DNAJC12: variants seen among roughly 807,000 people sequenced by gnomAD.
DNAJC12 encodes the protein dnaJ homolog subfamily C member 12.
In DNAJC12, 25 loss-of-function variants were observed where a neutral mutation model predicts 28.5. The observed-to-expected ratio is 0.88, with a 90% CI of 0.64 to 1.22. DNAJC12 has a LOEUF of 1.22. DNAJC12 is among the 50% of genes most tolerant of loss of function. DNAJC12 has a pLI of 0.00. For missense variants in DNAJC12, 222 were observed against 231.7 expected (o/e 0.96, Z 0.27); for synonymous variants, 77 against 80.6 (o/e 0.95, Z 0.24).
At chr10:67,809,640 T>C (rs1292334155) in intron 3 of DNAJC12, among the ~76,000 whole-genome samples, 1 of 152,164 alleles carries the variant, frequency 6.6e-6, no homozygotes, top group Non-Finnish European at 1.5e-5. Context: ...ATATACACCA[T>C]GGAATATTAC....
At chr10:67,830,296 G>A (rs996734062) in intron 1 of DNAJC12, among the ~76,000 whole-genome samples, 2 of 151,262 alleles carry the variant, frequency 1.3e-5, no homozygotes, top group African/African-American at 4.9e-5. Flanking sequence ...GAGTGACAGA[G>A]CAAGACTCCG....
intron 4 of DNAJC12, 119 bp from the exon 5 acceptor site, chr10:67,797,329 T>C: frequency 1.4e-6 from 1 of 703,688 alleles, no homozygotes; most frequent in Non-Finnish European, 2.4e-6. Context: ...GGTAAGACTT[T>C]GGTATGAATT....
intron 2 of DNAJC12, among the ~76,000 whole-genome samples, chr10:67,812,123 C>A (rs1841867166): frequency 6.6e-6 from 1 of 152,074 alleles, no homozygotes; most frequent in African/African-American, 2.4e-5. Context: ...AAAGACATGA[C>A]TGAGGCACAA....
At chr10:67,818,748 C>T (rs985974608) in intron 2 of DNAJC12, among the ~76,000 whole-genome samples, 1 of 151,912 alleles carries the variant, frequency 6.6e-6, no homozygotes, top group Non-Finnish European at 1.5e-5. Flanking sequence ...CATCTGCTCC[C>T]GGGTTCATGC....
intron 2 of DNAJC12, among the ~76,000 whole-genome samples, chr10:67,818,285 GT>G (rs1184588287): frequency 3.3e-5 from 5 of 152,174 alleles, no homozygotes; most frequent in Admixed American, 3.3e-4. Flanking sequence ...TCAGAAAGTT[GT>G]ATTAATGAAA....
chr10:67,813,856 T>C (rs1291195989), intron 2 of DNAJC12, among the ~76,000 whole-genome samples: 1 of 149,970 alleles, frequency 6.7e-6, no homozygotes, highest in East Asian at 2.0e-4. Flanking sequence ...CTAAAGAAGA[T>C]CTAAATAAAT....
At chr10:67,819,714 G>A (rs1380379220) in intron 2 of DNAJC12, among the ~76,000 whole-genome samples, 1 of 13,726 alleles carries the variant, frequency 7.3e-5, no homozygotes, top group African/African-American at 2.1e-4. Flanking sequence ...AAGGAAGGAA[G>A]GAAGCAAGGA....
At chr10:67,813,663 C>A (rs1225008815) in intron 2 of DNAJC12, among the ~76,000 whole-genome samples, 2 of 150,568 alleles carry the variant, frequency 1.3e-5, no homozygotes, top group East Asian at 1.9e-4. Context: ...TAGGCTGAGG[C>A]AGGAGAATCA....
At chr10:67,828,281 A>G (rs1842057140) in intron 1 of DNAJC12, among the ~76,000 whole-genome samples, 1 of 152,098 alleles carries the variant, frequency 6.6e-6, no homozygotes, top group Non-Finnish European at 1.5e-5. Context: ...ATGTGTGTGT[A>G]TATATATGTG....
chr10:67,811,309 A>G, intron 3 of DNAJC12: 1 of 1,381,236 alleles, frequency 7.2e-7, no homozygotes, highest in Non-Finnish European at 9.3e-7. Context: ...GATTGAAAGA[A>G]ATGTAGTCAC....
At chr10:67,816,619 C>G (rs1841919419) in intron 2 of DNAJC12, among the ~76,000 whole-genome samples, 2 of 150,306 alleles carry the variant, frequency 1.3e-5, no homozygotes, top group African/African-American at 4.9e-5. Flanking sequence ...AACCTCAGCT[C>G]ACTGCAACCA....
At chr10:67,821,948 C>A (rs765354579) in intron 2 of DNAJC12, among the ~76,000 whole-genome samples, 2 of 152,030 alleles carry the variant, frequency 1.3e-5, no homozygotes, top group South Asian at 4.1e-4. Context: ...GAAAAATAAG[C>A]GAGATTTCAG....
intron 3 of DNAJC12, among the ~76,000 whole-genome samples, chr10:67,809,998 G>A (rs117568462): frequency 0.043 from 6,556 of 152,202 alleles, 172 homozygotes; most frequent in South Asian, 0.11. Context: ...TCACACTGCT[G>A]TAAAGAACTA....
intron 2 of DNAJC12, among the ~76,000 whole-genome samples, chr10:67,815,390 C>T (rs1326940682): frequency 3.3e-5 from 5 of 151,716 alleles, no homozygotes; most frequent in Non-Finnish European, 7.4e-5. Flanking sequence ...TGCCTGTAAT[C>T]CCAGCTACTT....
At chr10:67,801,763 C>T (rs1053907714) in intron 4 of DNAJC12, among the ~76,000 whole-genome samples, 21 of 145,250 alleles carry the variant, frequency 1.4e-4, no homozygotes, top group African/African-American at 4.8e-4. Context: ...GCACTCCAGC[C>T]TGGGCAACAA....
At chr10:67,798,041 G>GA (rs1186393477) in intron 4 of DNAJC12, among the ~76,000 whole-genome samples, 3,792 of 101,272 alleles carry the variant, frequency 0.037, 166 homozygotes, top group African/African-American at 0.1. Context: ...TTCTGTCTCA[G>GA]AAAAAAAAAA....
chr10:67,823,869 T>C (rs528528245), intron 1 of DNAJC12, among the ~76,000 whole-genome samples: 29 of 152,318 alleles, frequency 1.9e-4, no homozygotes, highest in African/African-American at 7.0e-4. Flanking sequence ...AACGCTCCTA[T>C]TGAAATAGTC....
At position 67,813,472 on chromosome 10, in the gene DNAJC12, G is replaced by A. The variant is rs747358778; in HGVS notation, c.158-1809C>T. Among the ~76,000 whole-genome samples, 18 of 152,112 alleles carry A rather than the reference G, an allele frequency of 1.2e-4. No individual in the cohort carries two copies. In the South Asian group the frequency reaches 1.5e-3, roughly 12 times the overall value. On this transcript the variant is annotated intron_variant, in intron 2 of 4. Transcript: ENST00000225171. ...TCCATTTATAAGAGCATCAAGAGCC[G>A]GACCCAGTGGCTCATGCCTGTAATC...
intron 2 of DNAJC12, among the ~76,000 whole-genome samples, chr10:67,821,488 C>A (rs972695656): frequency 6.6e-6 from 1 of 152,046 alleles, no homozygotes; most frequent in Admixed American, 6.5e-5. Flanking sequence ...TGCACTCCAG[C>A]CTGGGCAATA....
Sources: allele counts gnomAD v4.1 joint callset (sites outside exome capture counted in the v4.1 genomes callset), GRCh38; gene constraint gnomAD v4.1.1; transcripts MANE v1.5; gene names NCBI Gene and HGNC (gene_info 2026-07-23, HGNC 2026-07-21).